GMPPA: variants seen among roughly 807,000 people sequenced by gnomAD.
The protein encoded by GMPPA is mannose-1-phosphate guanylyltransferase regulatory subunit alpha.
In GMPPA, 46 loss-of-function variants were observed where a neutral mutation model predicts 58.6. That is an observed-to-expected ratio of 0.78 (90% CI 0.62 to 1.00). The LOEUF (loss-of-function observed/expected upper bound fraction) is 1.00, where lower values mean the gene tolerates loss of function less well. GMPPA is among the 50% of genes least tolerant of loss of function. The pLI is 0.00. For synonymous variants in GMPPA, 211 were observed against 214.9 expected, an observed-to-expected ratio of 0.98 and a Z score of 0.16; for missense variants, 468 against 556.4, an observed-to-expected ratio of 0.84 and a Z score of 1.60.
chr2:219,505,875 G>A, intron 10 of GMPPA, 105 bp from the exon 11 acceptor site: 2 of 1,139,638 alleles, frequency 1.8e-6, no homozygotes, highest in Non-Finnish European at 2.5e-6. Context: ...AGCCTATTGT[G>A]TGTCCTCGAG....
At position 219,502,538 on chromosome 2, in the gene GMPPA, T is replaced by G. The variant is rs1272833907; in HGVS notation, c.489+97T>G. The G allele has an allele frequency of 9.0e-6, 8 of 893,608 alleles. No homozygotes were observed. Among genetic ancestry groups the G allele is most frequent in the Non-Finnish European group, 1.3e-5 (7 of 543,170 alleles). 55.4% of individuals were successfully genotyped at this position (893,608 alleles called of 1,614,324 possible). ...AATGCTGGCACAGTATGGGGTGGGC[T>G]CTAGTCTTGTCAGACAGGTGAGACA... On this transcript the variant is annotated intron_variant, in intron 6 of 12. Coordinates refer to ENST00000313597, the MANE Select transcript of GMPPA (RefSeq NM_013335.4). The surrounding 1 kb of genome is among the most constrained non-coding windows in gnomAD (Gnocchi z 4.0).
Position 219,504,161 on chromosome 2 carries a change from G to A in GMPPA, c.568G>A (p.Ala190Thr). ...NCGIYLFSPE[A>T]LKPLRDVFQR... is the part of the protein sequence containing the mutation. ...CGGCATCTACCTCTTTTCTCCTGAA[G>A]CCTTGAAGCCTCTTCGGGATGTCTT... Residue 190 changes from alanine to threonine, a missense_variant, in exon 7 of 13, where the codon GCC (alanine) becomes ACC (threonine). Ala to Thr is a moderately conservative substitution (Grantham distance 58). Coordinates refer to ENST00000313597, the MANE Select transcript of GMPPA (RefSeq NM_013335.4). 1 of 1,614,004 alleles carries A rather than the reference G, an allele frequency of 6.2e-7. No individual in the cohort carries two copies. Among genetic ancestry groups the A allele is most frequent in the Non-Finnish European group, 8.5e-7 (1 of 1,179,904 alleles).
chr2:219,506,623 C>A, intron 12 of GMPPA, 75 bp from the exon 13 acceptor site: 4 of 1,011,662 alleles, frequency 4.0e-6, no homozygotes, highest in Non-Finnish European at 4.6e-6. Context: ...TCCCTCCCTG[C>A]TGGCAGTGGC....
At chr2:219,500,643 T>A (rs2125625870) in intron 3 of GMPPA, 1 of 218,578 alleles carries the variant, frequency 4.6e-6, no homozygotes, top group East Asian at 1.1e-4. Context: ...CTGCAACAAA[T>A]AACACACCCT....
chr2:219,506,244 T>G lies in GMPPA; in HGVS notation c.994-10T>G. The G allele has an allele frequency of 6.3e-7, 1 of 1,599,738 alleles. No homozygotes were observed. The highest frequency in any genetic ancestry group is 8.5e-7 in the Non-Finnish European group (1 of 1,170,206). ...CTCTTCCCCTTACCTTTCACTGTCC[T>G]CTTTGGCAGGAGCACACGTGTGTTC... is the stretch of plus-strand genomic sequence containing the variant. On this transcript the variant is annotated splice_polypyrimidine_tract_variant and intron_variant, in intron 11 of 12. Transcript: ENST00000313597.
At position 219,504,150 on chromosome 2, in the gene GMPPA, T is replaced by C; in HGVS notation, c.557T>C (p.Phe186Ser). The C allele has an allele frequency of 6.2e-7, 1 of 1,614,000 alleles. No homozygotes were observed. The highest frequency in any genetic ancestry group is 8.5e-7 in the Non-Finnish European group (1 of 1,179,886). The change falls in exon 7 of 13, where the codon TTT becomes TCT. Residue 186 changes from phenylalanine (F) to serine (S), a missense_variant. Coordinates refer to ENST00000313597, the MANE Select transcript of GMPPA (RefSeq NM_013335.4). ...SDIINCGIYLFSPEALKPLRD... is the reference protein window; with the variant it reads ...SDIINCGIYLSSPEALKPLRD... ...ATCATCAACTGCGGCATCTACCTCT[T>C]TTCTCCTGAAGCCTTGAAGCCTCTT...
chr2:219,506,357 G>A lies in GMPPA; in HGVS notation c.1097G>A (p.Arg366Gln), dbSNP rs1306233711. Residue 366 changes from arginine (R) to glutamine (Q), a missense_variant, in exon 12 of 13, where the codon CGA (arginine) becomes CAA (glutamine). Transcript: ENST00000313597. ...AGTGACCCTAACCCCAACGATCCCC[G>A]AGCCCGCATGGACAGTGAGAGCCTC... ...TPSDPNPNDP[R>Q]ARMDSESLFK... 5 of 1,613,700 alleles carry A rather than the reference G, an allele frequency of 3.1e-6. No individual in the cohort carries two copies. Among genetic ancestry groups the A allele is most frequent in the African/African-American group, 1.3e-5 (1 of 74,932 alleles).
chr2:219,506,434 T>C lies in GMPPA; in HGVS notation c.1162+12T>C. 1 of 1,607,630 alleles carries C rather than the reference T, an allele frequency of 6.2e-7. No individual in the cohort carries two copies. Among genetic ancestry groups the C allele is most frequent in the Non-Finnish European group, 8.5e-7 (1 of 1,176,936 alleles). Reference sequence around the variant, plus strand: ...TATCACCATCCTGGGTATGGCTTCCTGGGGGCCAGGGCTGGGGGAACCCCT... The same window carrying C: ...TATCACCATCCTGGGTATGGCTTCCCGGGGGCCAGGGCTGGGGGAACCCCT... On this transcript the variant is annotated intron_variant, in intron 12 of 12. Transcript: ENST00000313597.
chr2:219,499,955 G>A lies in GMPPA; in HGVS notation c.-20-1G>A. The A allele has an allele frequency of 2.5e-6, 4 of 1,612,304 alleles. No individual in the cohort carries two copies. Among genetic ancestry groups the A allele is most frequent in the Non-Finnish European group, 3.4e-6 (4 of 1,178,402 alleles). ...CTTGATTTCTCTGTTGGAATTTGAAGTTTAGGTAGCAGTCACCATTATGCT... is the reference window on the plus strand; with the variant it reads ...CTTGATTTCTCTGTTGGAATTTGAAATTTAGGTAGCAGTCACCATTATGCT... On this transcript the variant is annotated splice_acceptor_variant, in intron 1 of 12. Coordinates refer to ENST00000313597, the MANE Select transcript of GMPPA (RefSeq NM_013335.4). LOFTEE classifies it low-confidence loss of function (5UTR_SPLICE).
At chr2:219,504,047 CCTT>C (rs1559447485) in intron 6 of GMPPA, 33 bp from the exon 7 acceptor site, 59 of 1,612,642 alleles carry the variant, frequency 3.7e-5, no homozygotes, top group Non-Finnish European at 4.7e-5. Flanking sequence ...GGCGGTAGTC[CCTT>C]CTTCTACTGA....
rs1015176729 is a variant in GMPPA, at chr2:219,502,994, A to G, written c.489+553A>G. The stretch of plus-strand genomic sequence containing the variant: ...TGTTTATTTATTTATTTTGAGACAG[A>G]GTCTCACTTTGTCTTCCAGGCTGGA... On this transcript the variant is annotated intron_variant, in intron 6 of 12. Transcript: ENST00000313597. The surrounding 1 kb of genome is among the most constrained non-coding windows in gnomAD (Gnocchi z 4.0). Among the ~76,000 whole-genome samples, 1 of 152,094 alleles carries G rather than the reference A, an allele frequency of 6.6e-6. No homozygotes were observed. The highest frequency in any genetic ancestry group is 1.5e-5 in the Non-Finnish European group (1 of 68,014).
intron 7 of GMPPA, chr2:219,504,564 A>G (rs1339713778): frequency 1.0e-5 from 3 of 301,004 alleles, no homozygotes; most frequent in Admixed American, 4.9e-5. Context: ...ACAGACAGAC[A>G]TGCATACTCT....
In GMPPA at chr2:219,500,176, A is replaced by T; in HGVS notation, c.96A>T (p.Ala32=). The change falls in exon 3 of 13, where the codon GCA becomes GCT. Residue 32 remains alanine (A), a synonymous_variant. Transcript: ENST00000313597. ...TGCCCAAACCATTGTTTCCTGTGGC[A>T]GGGGTCCCTATGATCCAACACCATA... The part of the protein sequence containing the change: ...FEVPKPLFPV[A]GVPMIQHHIE... 6.3e-7 allele frequency: 1 copy of T among 1,588,746 alleles called. No individual in the cohort carries two copies. Among genetic ancestry groups the T allele is most frequent in the South Asian group, 1.1e-5 (1 of 88,270 alleles).
At chr2:219,506,979 TGAACCTTGGAGCCAGCACA>T (rs1694617788) in exon 13 of GMPPA, 2 of 604,196 alleles carry the variant, frequency 3.3e-6, no homozygotes, top group Admixed American at 2.8e-5. Context: ...ATAAACCCCG[TGAACCTTGGAGCCAGCACA>T]GACTGTACTT....
intron 1 of GMPPA, chr2:219,499,728 G>T (rs1694321795): frequency 1.7e-6 from 1 of 594,824 alleles, no homozygotes; most frequent in Non-Finnish European, 3.0e-6. Flanking sequence ...TTGGGGGAGG[G>T]CTAAGTGCTG....
In GMPPA at chr2:219,504,169, GC is replaced by G; in HGVS notation, c.578del (p.Pro193LeufsTer30). On this transcript the variant is annotated frameshift_variant, in exon 7 of 13. Transcript: ENST00000313597. LOFTEE classifies it high-confidence loss of function. ...ACCTCTTTTCTCCTGAAGCCTTGAA[GC>G]CTCTTCGGGATGTCTTCCAGCGTAA... Reference protein sequence around the residue: ...IYLFSPEALKPLRDVFQRNQQ... With the variant: ...IYLFSPEALKXLRDVFQRNQQ... 6.2e-7 allele frequency: 1 copy of G among 1,613,970 alleles called. No homozygotes were observed. The highest frequency in any genetic ancestry group is 8.5e-7 in the Non-Finnish European group (1 of 1,179,848).
chr2:219,504,951 T>G, intron 7 of GMPPA: 2 of 992,136 alleles, frequency 2.0e-6, no homozygotes, highest in East Asian at 3.3e-5. Flanking sequence ...GATGAGAATG[T>G]GAAAATGGGG....
chr2:219,505,491 C>T lies in GMPPA; in HGVS notation c.789C>T (p.Ser263=). 6.3e-7 allele frequency: 1 copy of T among 1,580,028 alleles called. No homozygotes were observed. The highest frequency in any genetic ancestry group is 8.6e-7 in the Non-Finnish European group (1 of 1,162,884). ...SALYASRLYL[S]RYQDTHPERL... ...TCTACGCCTCCCGCCTCTACCTGAG[C>T]CGATACCAGGACACTCACCCAGAAC... The change falls in exon 9 of 13, where the codon AGC becomes AGT. Residue 263 remains serine, a synonymous_variant. Transcript: ENST00000313597.
chr2:219,506,667 A>G (rs1302874871), intron 12 of GMPPA, 31 bp from the exon 13 acceptor site: 1 of 1,282,654 alleles, frequency 7.8e-7, no homozygotes, highest in East Asian at 2.3e-5. Context: ...CCCTCCCATG[A>G]CCTCCCCTGG....
Sources: gnomAD v4.1 joint callset for allele counts (sites outside exome capture counted in the v4.1 genomes callset) on GRCh38, gnomAD v4.1.1 for gene constraint, Gnocchi (gnomAD v3.1) non-coding constraint, MANE v1.5 for transcripts, NCBI Gene and HGNC (gene_info 2026-07-23, HGNC 2026-07-21) for gene names.